Variants in RAB3C observed in about 807,000 individuals in gnomAD.
RAB3C encodes RAB3C, member RAS oncogene family.
In RAB3C, 17 loss-of-function variants were observed where a neutral mutation model predicts 26.4. The ratio of observed to expected loss-of-function variants is 0.64; its 90% CI spans 0.44 to 0.97. The LOEUF is 0.97. Among genes scored for constraint, RAB3C ranks in the 50% least tolerant of loss-of-function variants. The probability of loss-of-function intolerance (pLI) is 0.00; values close to 1 mark genes in which losing one functional copy is unlikely to be tolerated. For missense variants in RAB3C, 242 were observed against 281.9 expected, an observed-to-expected ratio of 0.86 and a Z score of 1.01; for synonymous variants, 91 against 95.9, an observed-to-expected ratio of 0.95 and a Z score of 0.30.
intron 3 of RAB3C, among the ~76,000 whole-genome samples, chr5:58,821,792 T>C (rs1206994952): frequency 6.6e-6 from 1 of 152,234 alleles, no homozygotes; most frequent in East Asian, 1.9e-4. Context: ...CTCTTCACTC[T>C]TTCCTTTCTT....
intron 3 of RAB3C, among the ~76,000 whole-genome samples, chr5:58,786,848 GC>G (rs1477477878): frequency 1.3e-5 from 2 of 151,048 alleles, no homozygotes; most frequent in African/African-American, 4.9e-5. Flanking sequence ...CCCCCCGCCA[GC>G]CCCCCGCATA....
chr5:58,582,340 G>A (rs2111639545), upstream of RAB3C: 1 of 957,446 alleles, frequency 1.0e-6, no homozygotes, highest in South Asian at 4.8e-5. Context: ...TTCCTACGTA[G>A]AGCCCTAACC....
intron 3 of RAB3C, among the ~76,000 whole-genome samples, chr5:58,803,999 G>A (rs1742875191): frequency 6.6e-6 from 1 of 151,704 alleles, no homozygotes; most frequent in Non-Finnish European, 1.5e-5. Flanking sequence ...GGCGGAGGTT[G>A]CAGTGAGCCG....
chr5:58,811,166 G>A (rs995048969), intron 3 of RAB3C, among the ~76,000 whole-genome samples: 2 of 152,214 alleles, frequency 1.3e-5, no homozygotes, highest in Non-Finnish European at 2.9e-5. Context: ...TGCATTATTT[G>A]ATAGGAGGTC....
chr5:58,699,101 A>G (rs1748783113), intron 2 of RAB3C, among the ~76,000 whole-genome samples: 1 of 152,248 alleles, frequency 6.6e-6, no homozygotes, highest in East Asian at 1.9e-4. Context: ...TGACCTACAC[A>G]TGGGGTTTTG....
chr5:58,619,921 T>C (rs1746899563), intron 2 of RAB3C, among the ~76,000 whole-genome samples: 1 of 152,078 alleles, frequency 6.6e-6, no homozygotes, highest in East Asian at 1.9e-4. Flanking sequence ...TCTGGATGAA[T>C]ATAGCTCTTC....
At chr5:58,720,381 T>C (rs1740721657) in intron 2 of RAB3C, among the ~76,000 whole-genome samples, 1 of 152,086 alleles carries the variant, frequency 6.6e-6, no homozygotes, top group East Asian at 1.9e-4. Flanking sequence ...AAATGTTTAT[T>C]GAATGAATCA....
rs1451726024 is a variant in RAB3C at position 58,858,358 on chromosome 5, G to T, written c.*7007G>T. The T allele has an allele frequency of 6.6e-6, 1 of 152,150 alleles. No individual in the cohort carries two copies. Among genetic ancestry groups the T allele is most frequent in the East Asian group, 1.9e-4 (1 of 5,188 alleles). 9.4% of individuals were successfully genotyped at this position (152,150 alleles called of 1,614,324 possible). A position where few individuals can be genotyped will look rare whatever the true frequency, so the allele number is the denominator to read the frequency against. On this transcript the variant is annotated 3_prime_UTR_variant, in exon 5 of 5. Coordinates refer to ENST00000282878, the MANE Select transcript of RAB3C (RefSeq NM_138453.4). The stretch of plus-strand genomic sequence containing the variant: ...GGAAGCAGGTAGCCAATATTAGAAT[G>T]ATAATTTAAGGGTGTGGTTGAATTT...
rs1164237659 is a variant in RAB3C, at chr5:58,825,181, A to C, written c.496+19A>C. On this transcript the variant is annotated intron_variant, in intron 4 of 4. Transcript: ENST00000282878. ...CAGCTTGGTAAGAAACAAATTAATAAGTTAAAAAGAAAGATAATTTGCTTA... is the reference window on the plus strand; with the variant it reads ...CAGCTTGGTAAGAAACAAATTAATACGTTAAAAAGAAAGATAATTTGCTTA... 3 of 1,604,400 alleles carry C rather than the reference A, an allele frequency of 1.9e-6. No homozygotes were observed. Among genetic ancestry groups the C allele is most frequent in the Non-Finnish European group, 2.6e-6 (3 of 1,174,874 alleles).
intron 3 of RAB3C, among the ~76,000 whole-genome samples, chr5:58,749,835 A>AACAACAAC: frequency 1.3e-5 from 2 of 152,284 alleles, no homozygotes; most frequent in East Asian, 3.9e-4. Flanking sequence ...TAAAACAAAC[A>AACAACAAC]ACAACAACAA....
At chr5:58,638,049 T>C (rs1747325266) in intron 2 of RAB3C, among the ~76,000 whole-genome samples, 1 of 152,138 alleles carries the variant, frequency 6.6e-6, no homozygotes, top group African/African-American at 2.4e-5. Context: ...TTTTCAATGG[T>C]ATAAATACCT....
chr5:58,819,622 C>T (rs1743293280), intron 3 of RAB3C, among the ~76,000 whole-genome samples: 1 of 152,194 alleles, frequency 6.6e-6, no homozygotes, highest in African/African-American at 2.4e-5. Context: ...CGCCTGTAAT[C>T]CCAACACTTT....
At chr5:58,759,512 T>C (rs2111974048) in intron 3 of RAB3C, among the ~76,000 whole-genome samples, 1 of 152,308 alleles carries the variant, frequency 6.6e-6, no homozygotes, top group African/African-American at 2.4e-5. Flanking sequence ...AAGAGACATT[T>C]TGTCCTCGGA....
chr5:58,729,524 T>C (rs1740961986), intron 3 of RAB3C, among the ~76,000 whole-genome samples: 1 of 151,668 alleles, frequency 6.6e-6, no homozygotes. Flanking sequence ...AGTGACTGGC[T>C]TATTTTACGT....
intron 4 of RAB3C, among the ~76,000 whole-genome samples, chr5:58,839,074 C>G (rs1049344177): frequency 6.6e-6 from 1 of 151,680 alleles, no homozygotes; most frequent in Admixed American, 6.6e-5. Flanking sequence ...CAATCCTTCA[C>G]TTTTTGTCTA....
At chr5:58,824,967 T>C in intron 3 of RAB3C, 71 bp from the exon 4 acceptor site, 1 of 1,045,898 alleles carries the variant, frequency 9.6e-7, no homozygotes, top group Non-Finnish European at 1.4e-6. Context: ...CTGTGGAATG[T>C]ATTTCTTCTC....
At position 58,825,176 on chromosome 5, in the gene RAB3C, T is replaced by C. The variant is rs763279389; in HGVS notation, c.496+14T>C. ...GAGAACAGCTTGGTAAGAAACAAAT[T>C]AATAAGTTAAAAAGAAAGATAATTT... On this transcript the variant is annotated intron_variant, in intron 4 of 4. Transcript: ENST00000282878. 8 of 1,605,634 alleles carry C rather than the reference T, an allele frequency of 5.0e-6. No individual in the cohort carries two copies. Among genetic ancestry groups the C allele is most frequent in the African/African-American group, 1.3e-5 (1 of 74,498 alleles).
At chr5:58,617,428 A>C (rs191585827) in intron 1 of RAB3C, 38 of 741,530 alleles carry the variant, frequency 5.1e-5, no homozygotes, top group Non-Finnish European at 8.6e-5. Context: ...CACAGCTGGA[A>C]AGGCCTGTAA....
intron 2 of RAB3C, among the ~76,000 whole-genome samples, chr5:58,701,219 T>C (rs1222146553): frequency 6.6e-6 from 1 of 152,108 alleles, no homozygotes; most frequent in Non-Finnish European, 1.5e-5. Flanking sequence ...GCCAGGATGG[T>C]CTCGATCTCC....
Sources: allele counts gnomAD v4.1 joint callset (sites outside exome capture counted in the v4.1 genomes callset), GRCh38; gene constraint gnomAD v4.1.1; transcripts MANE v1.5; gene names NCBI Gene and HGNC (gene_info 2026-07-23, HGNC 2026-07-21).